Variants in ZNF254 observed in about 807,000 individuals in gnomAD.
The protein encoded by ZNF254 is zinc finger protein 254, also known as CTD-2017D11.1.
ZNF254 carries 10 observed loss-of-function variants against 12.4 expected under a neutral mutation model. The observed-to-expected ratio is 0.80, with a 90% confidence interval of 0.50 to 1.36. The LOEUF is 1.36. Ranked by LOEUF, ZNF254 falls within the 40% of genes most tolerant of loss-of-function variation. The pLI is 0.00. For missense variants in ZNF254, 996 were observed against 763.9 expected, an observed-to-expected ratio of 1.30 and a Z score of -3.58; for synonymous variants, 305 against 253.4, an observed-to-expected ratio of 1.20 and a Z score of -1.93.
intron 3 of ZNF254, among the ~76,000 whole-genome samples, chr19:24,123,837 C>T (rs1974649042): frequency 6.6e-6 from 1 of 152,050 alleles, no homozygotes; most frequent in Admixed American, 6.6e-5. Flanking sequence ...TGTCTACTTT[C>T]TTCCTGCCTC....
chr19:24,041,514 A>G (rs566770386), intron 1 of ZNF254, among the ~76,000 whole-genome samples: 22 of 152,364 alleles, frequency 1.4e-4, no homozygotes, highest in South Asian at 6.2e-4. Flanking sequence ...CACCGGCGCT[A>G]CGCTCGATTT....
At chr19:24,049,208 A>ATTTTT (rs1370365405) in intron 2 of ZNF254, among the ~76,000 whole-genome samples, 6 of 47,548 alleles carry the variant, frequency 1.3e-4, no homozygotes, top group African/African-American at 6.3e-4. Context: ...ATATATATAT[A>ATTTTT]TATATATTTT....
intron 2 of ZNF254, among the ~76,000 whole-genome samples, chr19:24,077,444 T>C (rs1457142050): frequency 6.6e-6 from 1 of 152,206 alleles, no homozygotes; most frequent in Non-Finnish European, 1.5e-5. Flanking sequence ...TGGTCACTAC[T>C]GCACCCCAGA....
chr19:24,092,414 C>T (rs1008447779), intron 1 of ZNF254, among the ~76,000 whole-genome samples: 3 of 151,750 alleles, frequency 2.0e-5, no homozygotes, highest in Non-Finnish European at 2.9e-5. Flanking sequence ...AGGTGATCCA[C>T]CCTCCCCCCC....
chr19:24,068,801 A>G (rs1599636187), intron 2 of ZNF254, among the ~76,000 whole-genome samples: 1 of 152,274 alleles, frequency 6.6e-6, no homozygotes, highest in East Asian at 1.9e-4. Context: ...TCAGCTTGCA[A>G]TTGCTATGAT....
chr19:24,070,989 T>C (rs1013689850), intron 2 of ZNF254, among the ~76,000 whole-genome samples: 2 of 152,190 alleles, frequency 1.3e-5, no homozygotes, highest in Non-Finnish European at 2.9e-5. Flanking sequence ...AATTTTGCCA[T>C]ATTTCTGAAC....
intron 2 of ZNF254, among the ~76,000 whole-genome samples, chr19:24,078,309 A>G (rs1259589287): frequency 2.6e-5 from 4 of 152,178 alleles, no homozygotes; most frequent in Admixed American, 2.6e-4. Flanking sequence ...AAGTGCTGGG[A>G]TTAGGGGCAA....
chr19:24,092,403 C>T (rs147450616), intron 1 of ZNF254, among the ~76,000 whole-genome samples: 2,601 of 150,660 alleles, frequency 0.017, 35 homozygotes, highest in Non-Finnish European at 0.022. Flanking sequence ...CTCCTGACCT[C>T]AGGTGATCCA....
In ZNF254 at chr19:24,127,398, A is replaced by G. The variant is rs1974953486; in HGVS notation, c.1398A>G (p.Glu466=). 1 of 1,612,514 alleles carries G rather than the reference A, an allele frequency of 6.2e-7. No individual in the cohort carries two copies. Among genetic ancestry groups the G allele is most frequent in the Non-Finnish European group, 8.5e-7 (1 of 1,178,798 alleles). Residue 466 remains glutamate (E), a synonymous_variant, in exon 4 of 4, where the codon GAA becomes GAG. Coordinates refer to ENST00000357002, the MANE Select transcript of ZNF254 (RefSeq NM_203282.4). ...HTREKPYKCE[E]CGKAFIWSST... is the part of the protein sequence containing the mutation. ...GAGAGAAACCCTACAAATGTGAAGA[A>G]TGTGGCAAGGCATTTATATGGTCCT...
chr19:24,078,126 C>A (rs970791071), intron 2 of ZNF254, among the ~76,000 whole-genome samples: 1 of 152,188 alleles, frequency 6.6e-6, no homozygotes, highest in Non-Finnish European at 1.5e-5. Context: ...GCAACCCTGC[C>A]TCTTGAGTTC....
chr19:24,049,193 TATATATATATATATATATA>T (rs1445256291), intron 2 of ZNF254, among the ~76,000 whole-genome samples: 1 of 70,524 alleles, frequency 1.4e-5, no homozygotes, highest in East Asian at 2.9e-4. Flanking sequence ...TTTATATATA[TATATATATATATATATATA>T]TATTTTTTTT....
intron 3 of ZNF254, among the ~76,000 whole-genome samples, chr19:24,116,988 A>T (rs1164264978): frequency 6.6e-6 from 1 of 152,148 alleles, no homozygotes; most frequent in African/African-American, 2.4e-5. Context: ...GGGTGTCAGC[A>T]GCAGTGGCTG....
chr19:24,045,788 G>T (rs1301584935), intron 1 of ZNF254, among the ~76,000 whole-genome samples: 1 of 151,910 alleles, frequency 6.6e-6, no homozygotes, highest in Non-Finnish European at 1.5e-5. Flanking sequence ...AGAGTGTGGT[G>T]TTTCTCTACA....
chr19:24,047,186 A>G (rs962102403), intron 2 of ZNF254, among the ~76,000 whole-genome samples: 7 of 147,772 alleles, frequency 4.7e-5, no homozygotes, highest in Non-Finnish European at 7.5e-5. Flanking sequence ...CTATTTTCCT[A>G]TTTTTTTCTC....
chr19:24,062,838 T>C (rs1464695846), intron 2 of ZNF254, among the ~76,000 whole-genome samples: 2 of 152,186 alleles, frequency 1.3e-5, no homozygotes, highest in Admixed American at 6.5e-5. Context: ...TTTGCTCTTG[T>C]TACCGAGGCT....
chr19:24,034,626 G>A (rs1453389400), intron 1 of ZNF254, among the ~76,000 whole-genome samples: 4 of 151,000 alleles, frequency 2.6e-5, no homozygotes, highest in Admixed American at 6.6e-5. Context: ...CTAGTACCTG[G>A]GACTACAAGC....
chr19:24,036,878 C>T (rs1320101002), intron 1 of ZNF254, among the ~76,000 whole-genome samples: 1 of 152,122 alleles, frequency 6.6e-6, no homozygotes, highest in Non-Finnish European at 1.5e-5. Context: ...ATGGGTGTGG[C>T]CAGAATCTTC....
In ZNF254 at chr19:24,121,868, T is replaced by G. The variant is rs554447203; in HGVS notation, c.254-4386T>G. 3.9e-4 allele frequency among the ~76,000 whole-genome samples: 60 copies of G among 152,226 alleles called. No homozygotes were observed. In the South Asian group the frequency reaches 0.012, roughly 31 times the overall value. ...CCACACCAGGCTACCCTTGGTTTTTTTTTGTTTGTTTTTTGTATATTTGTT... is the reference window on the plus strand; with the variant it reads ...CCACACCAGGCTACCCTTGGTTTTTGTTTGTTTGTTTTTTGTATATTTGTT... On this transcript the variant is annotated intron_variant, in intron 3 of 3. Coordinates refer to ENST00000357002, the MANE Select transcript of ZNF254 (RefSeq NM_203282.4).
At chr19:24,105,827 A>G (rs1973305218) in intron 1 of ZNF254, 113 bp from the exon 2 acceptor site, 8 of 1,451,624 alleles carry the variant, frequency 5.5e-6, no homozygotes, top group South Asian at 1.2e-5. Flanking sequence ...GATAATTTCA[A>G]TCACTCTTAT....
Sources: gnomAD v4.1 joint callset for allele counts (sites outside exome capture counted in the v4.1 genomes callset) on GRCh38, gnomAD v4.1.1 for gene constraint, MANE v1.5 for transcripts, NCBI Gene and HGNC (gene_info 2026-07-23, HGNC 2026-07-21) for gene names.